The following ITPKB variants were observed in gnomAD, a reference collection of about 807,000 sequenced individuals.
The protein encoded by ITPKB is IP3 3-kinase B.
A neutral mutation model predicts 69.4 loss-of-function variants in ITPKB; 13 were observed. That is an observed-to-expected ratio of 0.19 (90% CI 0.12 to 0.30). The LOEUF is 0.30. Ranked by LOEUF, ITPKB falls within the 10% of genes least tolerant of loss-of-function variation. The pLI is 1.00. For synonymous variants in ITPKB, 584 were observed against 513.7 expected (o/e 1.14, Z -1.85); for missense variants, 1,240 against 1,250.5 (o/e 0.99, Z 0.13).
In ITPKB at chr1:226,634,806, C is replaced by T. The variant is rs1309571371; in HGVS notation, c.2706G>A (p.Thr902=). ...GCAGGGTCTGGCCCTCAGGCAGGGG[C>T]GTGGTTTTCCCAAAGTCGATCATCC... ...KVWMIDFGKT[T]PLPEGQTLQH... Residue 902 remains threonine, a synonymous_variant, in exon 8 of 8, where the codon ACG becomes ACA. Transcript: ENST00000429204. The surrounding 1 kb of genome is among the most constrained non-coding windows in gnomAD (Gnocchi z 6.3). 6.8e-6 allele frequency: 11 copies of T among 1,609,608 alleles called. No homozygotes were observed. The highest frequency in any genetic ancestry group is 1.6e-4 in the Middle Eastern group (1 of 6,076).
chr1:226,650,711 G>T (rs939691420), intron 2 of ITPKB, among the ~76,000 whole-genome samples: 1 of 152,240 alleles, frequency 6.6e-6, no homozygotes, highest in Non-Finnish European at 1.5e-5. Flanking sequence ...ACAGGCTTCA[G>T]GGGTGGTGTG....
At chr1:226,723,586 TAG>T (rs1193695081) in intron 2 of ITPKB, among the ~76,000 whole-genome samples, 1 of 151,858 alleles carries the variant, frequency 6.6e-6, no homozygotes, top group Non-Finnish European at 1.5e-5. Context: ...TGTGTGTGTA[TAG>T]AGAGATATAT....
At chr1:226,663,212 G>A (rs1407530138) in intron 2 of ITPKB, among the ~76,000 whole-genome samples, 1 of 152,318 alleles carries the variant, frequency 6.6e-6, no homozygotes, top group Admixed American at 6.5e-5. Context: ...ACCAGGCCCT[G>A]CTAGTGGCAG....
chr1:226,649,852 A>AC (rs369137806), intron 2 of ITPKB, among the ~76,000 whole-genome samples: 5 of 105,668 alleles, frequency 4.7e-5, no homozygotes, highest in African/African-American at 2.0e-4. Flanking sequence ...AAACAAAAAA[A>AC]CAAAAAAAAA....
chr1:226,723,213 A>G (rs1230240275), intron 2 of ITPKB, among the ~76,000 whole-genome samples: 1 of 152,002 alleles, frequency 6.6e-6, no homozygotes, highest in Admixed American at 6.5e-5. Flanking sequence ...CCACCATCCC[A>G]GCCCAGATGA....
chr1:226,647,019 G>C, intron 4 of ITPKB, 148 bp downstream of exon 4: 1 of 660,968 alleles, frequency 1.5e-6, no homozygotes, highest in Non-Finnish European at 2.7e-6. Context: ...GAGATGCCTG[G>C]GGATGGGGAG....
Position 226,641,897 on chromosome 1 carries a change from G to A in ITPKB, c.2451+24C>T. 6.2e-7 allele frequency: 1 copy of A among 1,603,784 alleles called. No individual in the cohort carries two copies. Among genetic ancestry groups the A allele is most frequent in the South Asian group, 1.1e-5 (1 of 90,466 alleles). On this transcript the variant is annotated intron_variant, in intron 5 of 7. Transcript: ENST00000429204. This position sits in a 1 kb window ranked among gnomAD's most constrained non-coding sequence, Gnocchi z 4.6. ...GAGGTGGGCACGGGTGGGGCCCGAGGCTGCCCTCACTCGCCGGCCTCACCT... is the reference window on the plus strand; with the variant it reads ...GAGGTGGGCACGGGTGGGGCCCGAGACTGCCCTCACTCGCCGGCCTCACCT...
At position 226,641,548 on chromosome 1, in the gene ITPKB, T is replaced by C. The variant is rs930842985; in HGVS notation, c.2451+373A>G. Among the ~76,000 whole-genome samples, 20 of 152,314 alleles carry C rather than the reference T, an allele frequency of 1.3e-4. No individual in the cohort carries two copies. Among genetic ancestry groups the C allele is most frequent in the African/African-American group, 4.8e-4 (20 of 41,576 alleles). On this transcript the variant is annotated intron_variant, in intron 5 of 7. Transcript: ENST00000429204. This position sits in a 1 kb window ranked among gnomAD's most constrained non-coding sequence, Gnocchi z 4.6. ...AAAGGCGGTCAGCATGCTCCTCCCT[T>C]CCCCGAATTGTCTGCCAGTCCCAGT...
At chr1:226,664,923 C>A (rs1175772106) in intron 2 of ITPKB, among the ~76,000 whole-genome samples, 1 of 152,202 alleles carries the variant, frequency 6.6e-6, no homozygotes, top group East Asian at 1.9e-4. Context: ...TTTCCTTTCC[C>A]CCTTTCCCTT....
chr1:226,731,797 G>A (rs1024529376), intron 2 of ITPKB, among the ~76,000 whole-genome samples: 1 of 152,092 alleles, frequency 6.6e-6, no homozygotes, highest in Non-Finnish European at 1.5e-5. Context: ...CCATGTACCT[G>A]AGAGAAGAAG....
chr1:226,726,429 C>A (rs1011719373), intron 2 of ITPKB, among the ~76,000 whole-genome samples: 1 of 152,098 alleles, frequency 6.6e-6, no homozygotes, highest in Non-Finnish European at 1.5e-5. Flanking sequence ...GAGGCCAAGG[C>A]GGATTGGGAG....
intron 3 of ITPKB, 146 bp from the exon 4 acceptor site, chr1:226,647,526 C>T: frequency 1.6e-6 from 1 of 629,298 alleles, no homozygotes; most frequent in Non-Finnish European, 2.8e-6. Flanking sequence ...GACTGAGCAC[C>T]TTAAGGGGAG....
chr1:226,705,136 T>C (rs1438571638), intron 2 of ITPKB, among the ~76,000 whole-genome samples: 1 of 152,240 alleles, frequency 6.6e-6, no homozygotes, highest in Non-Finnish European at 1.5e-5. Context: ...CCTAACATTA[T>C]GTAAAACATT....
Position 226,662,171 on chromosome 1 carries a change from C to A in ITPKB, c.1933-13400G>T, listed in dbSNP as rs3768382. On this transcript the variant is annotated intron_variant, in intron 2 of 7. Transcript: ENST00000429204. ...TCTGAAATAAGTAACTCTGCCTGTT[C>A]CCCGGGAGACTGAGCTGAGCAACAG... Among the ~76,000 whole-genome samples, 97 of 152,238 alleles carry A rather than the reference C, an allele frequency of 6.4e-4. 2 individuals carry two copies. The East Asian group carries it at 0.017, about 27-fold the overall frequency.
At chr1:226,660,307 C>T (rs1308226823) in intron 2 of ITPKB, among the ~76,000 whole-genome samples, 2 of 152,226 alleles carry the variant, frequency 1.3e-5, no homozygotes, top group African/African-American at 4.8e-5. Context: ...AAAGAATGCT[C>T]TTCCTTAGCG....
At chr1:226,681,662 T>C (rs1446567733) in intron 2 of ITPKB, among the ~76,000 whole-genome samples, 5 of 152,238 alleles carry the variant, frequency 3.3e-5, no homozygotes, top group Non-Finnish European at 7.3e-5. Context: ...TATTTTTGCA[T>C]TGTGCAGATT....
At chr1:226,644,465 C>T (rs1669025637) in intron 4 of ITPKB, among the ~76,000 whole-genome samples, 1 of 152,178 alleles carries the variant, frequency 6.6e-6, no homozygotes, top group Admixed American at 6.5e-5. Flanking sequence ...CCCAGAGCTC[C>T]TAGGTGCTAG....
intron 2 of ITPKB, among the ~76,000 whole-genome samples, chr1:226,722,374 G>A (rs1657269354): frequency 6.6e-6 from 1 of 152,216 alleles, no homozygotes; most frequent in African/African-American, 2.4e-5. Context: ...GCCAAAGACA[G>A]GATGCCAGGA....
chr1:226,637,815 A>G lies in ITPKB; in HGVS notation c.2554-65T>C, dbSNP rs1356131361. On this transcript the variant is annotated intron_variant, in intron 6 of 7. Transcript: ENST00000429204. The surrounding 1 kb of genome is among the most constrained non-coding windows in gnomAD (Gnocchi z 4.3). ...GGGGAAGGGCAGTGTCAGAACACCC[A>G]TGCGGCCTCTAGTGGTCCCTCCCGT... The G allele has an allele frequency of 7.3e-6, 9 of 1,232,418 alleles. No homozygotes were observed. In the East Asian group the frequency reaches 1.9e-4, roughly 26 times the overall value. 76.3% of individuals were successfully genotyped at this position (1,232,418 alleles called of 1,614,324 possible).
Sources: allele counts gnomAD v4.1 joint callset (sites outside exome capture counted in the v4.1 genomes callset), GRCh38; gene constraint gnomAD v4.1.1; non-coding constraint Gnocchi (gnomAD v3.1); transcripts MANE v1.5; gene names NCBI Gene and HGNC (gene_info 2026-07-23, HGNC 2026-07-21).